DOCK2: variants seen among roughly 807,000 people sequenced by gnomAD.
The protein encoded by DOCK2 is dedicator of cytokinesis protein 2.
Under a neutral mutation model 248.9 loss-of-function variants are expected in DOCK2, and 87 were observed. The ratio of observed to expected loss-of-function variants is 0.35; its 90% CI spans 0.29 to 0.42. The LOEUF is 0.42. DOCK2 is among the 10% of genes least tolerant of loss of function. The pLI is 1.00. For synonymous variants in DOCK2, 805 were observed against 821.6 expected (o/e 0.98, Z 0.35); for missense variants, 1,747 against 2,300.2 (o/e 0.76, Z 4.92).
intron 32 of DOCK2, among the ~76,000 whole-genome samples, chr5:170,017,444 C>T (rs561604542): frequency 6.6e-6 from 1 of 152,294 alleles, no homozygotes; most frequent in African/African-American, 2.4e-5. Flanking sequence ...AAGTGCTCCT[C>T]TTTATTCCCT....
chr5:169,889,498 G>A (rs916602264), intron 27 of DOCK2, among the ~76,000 whole-genome samples: 14 of 152,184 alleles, frequency 9.2e-5, no homozygotes, highest in Admixed American at 8.5e-4. Context: ...GCTACAAAAC[G>A]TTGTACAGGG....
At position 169,761,877 on chromosome 5, in the gene DOCK2, T is replaced by C. The variant is rs549625333; in HGVS notation, c.2554+252T>C. ...GAGAAAGTTTAATGAGGTTTTTTTT[T>C]CCCCCTGTATGGTTTATTATTGCTG... On this transcript the variant is annotated intron_variant, in intron 25 of 51. Coordinates refer to ENST00000520908, the MANE Select transcript of DOCK2 (RefSeq NM_004946.3). Among the ~76,000 whole-genome samples, 8 of 152,284 alleles carry C rather than the reference T, an allele frequency of 5.3e-5. No individual in the cohort carries two copies. In the South Asian group the frequency reaches 1.0e-3, roughly 20 times the overall value.
chr5:169,949,360 T>TGAGAG (rs2113721726), intron 27 of DOCK2, among the ~76,000 whole-genome samples: 1 of 152,148 alleles, frequency 6.6e-6, no homozygotes, highest in Admixed American at 6.5e-5. Flanking sequence ...TGGAGGCCCA[T>TGAGAG]GAGAGGAGAG....
At chr5:170,070,412 G>A (rs1561908048) in intron 46 of DOCK2, among the ~76,000 whole-genome samples, 1 of 152,220 alleles carries the variant, frequency 6.6e-6, no homozygotes, top group East Asian at 1.9e-4. Flanking sequence ...GCAAAGTGGG[G>A]CTTTAAAAAT....
At chr5:169,719,942 A>G (rs1762103688) in intron 22 of DOCK2, among the ~76,000 whole-genome samples, 1 of 152,104 alleles carries the variant, frequency 6.6e-6, no homozygotes, top group Non-Finnish European at 1.5e-5. Context: ...AAAGACCATC[A>G]TTGTGATTGT....
At chr5:170,018,815 C>G in intron 32 of DOCK2, 145 bp from the exon 33 acceptor site, 1 of 1,066,960 alleles carries the variant, frequency 9.4e-7, no homozygotes, top group Non-Finnish European at 1.3e-6. Context: ...CAAAACGGTG[C>G]CTGGCTCATG....
At chr5:170,019,611 C>T (rs1755652783) in intron 33 of DOCK2, among the ~76,000 whole-genome samples, 1 of 152,200 alleles carries the variant, frequency 6.6e-6, no homozygotes, top group African/African-American at 2.4e-5. Context: ...GAATAGGACA[C>T]TGGCCTCAGC....
chr5:169,853,453 A>C (rs978670134), intron 27 of DOCK2, among the ~76,000 whole-genome samples: 3 of 152,216 alleles, frequency 2.0e-5, no homozygotes, highest in African/African-American at 7.2e-5. Context: ...ATTTTTCCAG[A>C]TTTATGTTAC....
intron 27 of DOCK2, among the ~76,000 whole-genome samples, chr5:169,945,860 G>A (rs1430296218): frequency 6.6e-6 from 1 of 152,110 alleles, no homozygotes; most frequent in Non-Finnish European, 1.5e-5. Flanking sequence ...TTCTTGACTC[G>A]TCCTTATTTG....
intron 30 of DOCK2, among the ~76,000 whole-genome samples, chr5:169,999,739 C>T (rs778424950): frequency 6.6e-6 from 1 of 152,170 alleles, no homozygotes; most frequent in African/African-American, 2.4e-5. Context: ...TGGATTTGTT[C>T]TCTGTACCCT....
At chr5:169,691,044 C>T (rs965987564) in intron 9 of DOCK2, among the ~76,000 whole-genome samples, 8 of 152,066 alleles carry the variant, frequency 5.3e-5, no homozygotes, top group African/African-American at 1.2e-4. Context: ...TCAGGCTGTA[C>T]GAGAAGGGTG....
chr5:170,075,931 ACCACTTTCTCTCCAGATCC>A lies in DOCK2; in HGVS notation c.4729-13_4734del. The A allele has an allele frequency of 1.2e-6, 2 of 1,613,576 alleles. No homozygotes were observed. The highest frequency in any genetic ancestry group is 1.7e-6 in the Non-Finnish European group (2 of 1,179,764). ...CCGGTCAGCCTCTGGCTCATTCTTT[ACCACTTTCTCTCCAGATCC>A]CCTTCTTGGGAGCTGGGATTAAGAT... is the stretch of plus-strand genomic sequence containing the variant. On this transcript the variant is annotated splice_acceptor_variant and splice_polypyrimidine_tract_variant and coding_sequence_variant and intron_variant, in exon 47 of 52. Transcript: ENST00000520908. LOFTEE classifies it high-confidence loss of function.
chr5:169,872,550 G>T (rs1439477789), intron 27 of DOCK2, among the ~76,000 whole-genome samples: 1 of 152,126 alleles, frequency 6.6e-6, no homozygotes, highest in African/African-American at 2.4e-5. Context: ...AAAATCACAG[G>T]TTCTCTTCTT....
chr5:169,984,875 G>T (rs1778026111), intron 28 of DOCK2, among the ~76,000 whole-genome samples: 1 of 152,026 alleles, frequency 6.6e-6, no homozygotes, highest in African/African-American at 2.4e-5. Context: ...AGCTCAAAAG[G>T]GTCTCAGTGC....
chr5:170,073,754 CATCTT>C (rs1157964048), intron 46 of DOCK2, among the ~76,000 whole-genome samples: 1 of 152,030 alleles, frequency 6.6e-6, no homozygotes, highest in Non-Finnish European at 1.5e-5. Flanking sequence ...GTAATACACT[CATCTT>C]ATGATCTTTT....
At chr5:169,805,651 G>A (rs961992373) in intron 26 of DOCK2, among the ~76,000 whole-genome samples, 1 of 152,206 alleles carries the variant, frequency 6.6e-6, no homozygotes, top group Non-Finnish European at 1.5e-5. Context: ...TCCCAGGGGA[G>A]TGGCCCCCTA....
At chr5:170,078,342 A>G (rs1757911092) in intron 48 of DOCK2, among the ~76,000 whole-genome samples, 1 of 152,080 alleles carries the variant, frequency 6.6e-6, no homozygotes, top group African/African-American at 2.4e-5. Flanking sequence ...CCCTCCAGAA[A>G]CTTCCCTGCG....
chr5:169,991,119 T>A (rs1778195094), intron 29 of DOCK2, among the ~76,000 whole-genome samples: 1 of 152,232 alleles, frequency 6.6e-6, no homozygotes, highest in South Asian at 2.1e-4. Flanking sequence ...GAAGAGTGGC[T>A]GAGTGGGAAG....
At chr5:169,833,876 A>G (rs1393126346) in intron 26 of DOCK2, among the ~76,000 whole-genome samples, 1 of 152,246 alleles carries the variant, frequency 6.6e-6, no homozygotes, top group Non-Finnish European at 1.5e-5. Flanking sequence ...ATATATTGAT[A>G]TTGGCATCTC....
Sources: allele counts gnomAD v4.1 joint callset (sites outside exome capture counted in the v4.1 genomes callset), GRCh38; gene constraint gnomAD v4.1.1; transcripts MANE v1.5; gene names NCBI Gene and HGNC (gene_info 2026-07-23, HGNC 2026-07-21).